Variants in NAV3 observed in about 807,000 individuals in gnomAD.
NAV3 encodes pore membrane and/or filament interacting like protein 1.
A neutral mutation model predicts 244.7 loss-of-function variants in NAV3; 87 were observed. The ratio of observed to expected loss-of-function variants is 0.36; its 90% confidence interval spans 0.30 to 0.42. NAV3 has a LOEUF of 0.42. Among genes scored for constraint, NAV3 ranks in the 20% least tolerant of loss-of-function variants. The pLI, the probability that NAV3 is intolerant of heterozygous loss-of-function variation, is 1.00. For missense variants in NAV3, 2,663 were observed against 2,893.3 expected, an observed-to-expected ratio of 0.92 and a Z score of 1.83; for synonymous variants, 1,126 against 1,042.2, an observed-to-expected ratio of 1.08 and a Z score of -1.55.
intron 12 of NAV3, among the ~76,000 whole-genome samples, chr12:78,101,073 A>G (rs1954514168): frequency 6.6e-6 from 1 of 152,178 alleles, no homozygotes; most frequent in African/African-American, 2.4e-5. Flanking sequence ...TGTTAGAATG[A>G]GGGAATAAAT....
rs2136075261 is a variant in NAV3, at chr12:77,831,515, G to C, written c.54G>C (p.Lys18Asn). ...SKLRQPAVGS[K>N]PVHTALPIPN... ...TGAGGCAGCCAGCTGTTGGGTCAAA[G>C]CCTGTGCATACTGCTCTTCCGATAC... Residue 18 changes from lysine to asparagine, a missense_variant, in exon 1 of 40, where the codon AAG (lysine) becomes AAC (asparagine). Lys to Asn is a moderately conservative substitution (Grantham distance 94). Transcript: ENST00000397909. 1 of 1,613,932 alleles carries C rather than the reference G, an allele frequency of 6.2e-7. No individual in the cohort carries two copies. The highest frequency in any genetic ancestry group is 8.5e-7 in the Non-Finnish European group (1 of 1,179,950).
intron 12 of NAV3, among the ~76,000 whole-genome samples, chr12:78,108,924 C>A (rs1359508085): frequency 1.3e-5 from 2 of 151,688 alleles, no homozygotes; most frequent in Admixed American, 6.6e-5. Context: ...ACAAATCAAA[C>A]CCAAAATCAG....
At chr12:77,908,375 G>A (rs887124596) in intron 1 of NAV3, among the ~76,000 whole-genome samples, 1 of 151,962 alleles carries the variant, frequency 6.6e-6, no homozygotes, top group African/African-American at 2.4e-5. Flanking sequence ...TCACTGAAAA[G>A]CTTGGAAGTC....
chr12:77,906,230 A>T (rs1358402841), intron 1 of NAV3, among the ~76,000 whole-genome samples: 1 of 152,130 alleles, frequency 6.6e-6, no homozygotes, highest in Non-Finnish European at 1.5e-5. Context: ...ACAGACAGAC[A>T]GACACACATC....
At chr12:77,700,393 A>C (rs1040440142) in intron 2 of NAV3, among the ~76,000 whole-genome samples, 12 of 152,162 alleles carry the variant, frequency 7.9e-5, no homozygotes, top group African/African-American at 2.2e-4. Context: ...GATAGAGAGA[A>C]AATAAATTAA....
intron 2 of NAV3, among the ~76,000 whole-genome samples, chr12:77,776,875 G>A (rs998302412): frequency 5.9e-5 from 9 of 152,220 alleles, no homozygotes; most frequent in Middle Eastern, 3.4e-3. Flanking sequence ...CAGCTACTTG[G>A]GAGGCTGTAA....
intron 7 of NAV3, among the ~76,000 whole-genome samples, chr12:78,004,790 G>T (rs922372666): frequency 5.3e-5 from 8 of 152,164 alleles, no homozygotes; most frequent in African/African-American, 1.9e-4. Context: ...TATAGGGACA[G>T]GCTGTGGACA....
intron 2 of NAV3, among the ~76,000 whole-genome samples, chr12:77,578,329 C>A (rs1194357400): frequency 6.6e-6 from 1 of 151,820 alleles, no homozygotes; most frequent in Non-Finnish European, 1.5e-5. Context: ...GAACCCTTGC[C>A]CTACAGACAG....
chr12:77,957,122 C>T (rs1891440109), intron 3 of NAV3, among the ~76,000 whole-genome samples: 1 of 152,200 alleles, frequency 6.6e-6, no homozygotes, highest in Non-Finnish European at 1.5e-5. Flanking sequence ...ACTCCATTCT[C>T]CTCGCTGCTC....
At chr12:77,890,225 G>A (rs535788139) in intron 1 of NAV3, among the ~76,000 whole-genome samples, 1 of 152,250 alleles carries the variant, frequency 6.6e-6, no homozygotes, top group South Asian at 2.1e-4. Context: ...CCAAGTAGCT[G>A]AGACGACAGG....
At position 78,006,734 on chromosome 12, in the gene NAV3, C is replaced by T. The variant is rs201438479; in HGVS notation, c.1196C>T (p.Pro399Leu). ...KLVNARTALR[P>L]PQPPSSGPSD... is the part of the protein sequence containing the mutation. ...GTCAATGCCCGGACTGCTTTACGCC[C>T]CCCGCAGCCTCCCAGTTCAGGACCT... The change falls in exon 8 of 40, where the codon CCC (proline) becomes CTC (leucine). Residue 399 changes from proline (P) to leucine (L), a missense_variant. By Grantham distance (98) the Pro-to-Leu change is moderately conservative. Coordinates refer to ENST00000397909, the MANE Select transcript of NAV3 (RefSeq NM_001024383.2). 8.1e-6 allele frequency: 13 copies of T among 1,613,878 alleles called. No individual in the cohort carries two copies. Among genetic ancestry groups the T allele is most frequent in the Non-Finnish European group, 1.0e-5 (12 of 1,180,018 alleles).
intron 2 of NAV3, among the ~76,000 whole-genome samples, chr12:77,780,888 G>C (rs1430117717): frequency 2.0e-5 from 3 of 152,092 alleles, no homozygotes; most frequent in Non-Finnish European, 2.9e-5. Flanking sequence ...AGGCTGTTTT[G>C]GTTACAATTC....
chr12:77,873,762 A>ATG (rs1156249631), intron 1 of NAV3, among the ~76,000 whole-genome samples: 1 of 116,322 alleles, frequency 8.6e-6, no homozygotes, highest in African/African-American at 2.9e-5. Context: ...ATATATATAT[A>ATG]TATATGTATA....
chr12:77,990,089 T>C (rs1871186420), intron 5 of NAV3, among the ~76,000 whole-genome samples: 1 of 82,130 alleles, frequency 1.2e-5, no homozygotes, highest in South Asian at 3.1e-4. Context: ...ATGCTTCCAA[T>C]GTTATTCAAA....
chr12:77,922,146 A>G (rs1193183887), intron 1 of NAV3, among the ~76,000 whole-genome samples: 1 of 152,166 alleles, frequency 6.6e-6, no homozygotes, highest in African/African-American at 2.4e-5. Flanking sequence ...AAACACTTCA[A>G]TTTAGCCACC....
intron 8 of NAV3, among the ~76,000 whole-genome samples, chr12:78,015,228 G>T (rs1267532430): frequency 6.6e-6 from 1 of 152,050 alleles, no homozygotes; most frequent in Non-Finnish European, 1.5e-5. Flanking sequence ...TTGTGCAAAT[G>T]ACTCTCATGT....
chr12:77,992,316 A>G (rs1871583218), intron 5 of NAV3, among the ~76,000 whole-genome samples: 1 of 152,212 alleles, frequency 6.6e-6, no homozygotes, highest in African/African-American at 2.4e-5. Context: ...CATGATAAAC[A>G]TCGGAATTGA....
intron 12 of NAV3, among the ~76,000 whole-genome samples, chr12:78,090,322 C>A (rs2137996428): frequency 1.3e-5 from 2 of 151,020 alleles, no homozygotes; most frequent in East Asian, 3.9e-4. Context: ...GATTTTAGTA[C>A]TACAAATGAT....
At chr12:77,604,453 A>G (rs185633919) in intron 2 of NAV3, among the ~76,000 whole-genome samples, 54 of 152,242 alleles carry the variant, frequency 3.5e-4, no homozygotes, top group Middle Eastern at 3.4e-3. Context: ...ATACCTTAAT[A>G]AAACTATGAC....
Sources: gnomAD v4.1 joint callset for allele counts (sites outside exome capture counted in the v4.1 genomes callset) on GRCh38, gnomAD v4.1.1 for gene constraint, MANE v1.5 for transcripts, NCBI Gene and HGNC (gene_info 2026-07-23, HGNC 2026-07-21) for gene names.